The following STPG2 variants were observed in gnomAD, a reference collection of about 807,000 sequenced individuals.
The protein encoded by STPG2 is sperm-tail PG-rich repeat-containing protein 2.
STPG2 carries 56 observed loss-of-function variants against 54.2 expected under a neutral mutation model. The observed-to-expected ratio is 1.03, with a 90% CI of 0.83 to 1.29. The LOEUF (loss-of-function observed/expected upper bound fraction) is 1.29, where lower values mean the gene tolerates loss of function less well. Among genes scored for constraint, STPG2 ranks in the 50% most tolerant of loss-of-function variants. STPG2 has a pLI of 0.00. For synonymous variants in STPG2, 200 were observed against 181.8 expected, an observed-to-expected ratio of 1.10 and a Z score of -0.81; for missense variants, 596 against 544.9, an observed-to-expected ratio of 1.09 and a Z score of -0.93.
chr4:97,960,095 T>A (rs1989109), intron 7 of STPG2, among the ~76,000 whole-genome samples: 60,278 of 151,682 alleles, frequency 0.4, 12,099 homozygotes, highest in Middle Eastern at 0.46. Context: ...AAAAAGAAAA[T>A]TCACATGATC....
At chr4:97,767,097 T>C (rs114485984) in intron 9 of STPG2, among the ~76,000 whole-genome samples, 2,061 of 152,228 alleles carry the variant, frequency 0.014, 18 homozygotes, top group Non-Finnish European at 0.021. Context: ...TGGCATCAAA[T>C]TTAGAAGTCA....
Position 97,959,881 on chromosome 4 carries a change from A to C in STPG2, c.933+12399T>G, listed in dbSNP as rs183168484. Reference sequence around the variant, plus strand: ...TATCACCCTAATACCAAAACATGGAAAGGACATAACAAAAAAAGAAAACTA... The same window carrying C: ...TATCACCCTAATACCAAAACATGGACAGGACATAACAAAAAAAGAAAACTA... On this transcript the variant is annotated intron_variant, in intron 7 of 10. Coordinates refer to ENST00000295268, the MANE Select transcript of STPG2 (RefSeq NM_174952.3). Among the ~76,000 whole-genome samples the C allele has an allele frequency of 1.2e-3, 185 of 152,250 alleles. 6 individuals carry two copies. The East Asian group carries it at 0.021, about 17-fold the overall frequency.
intron 1 of STPG2, among the ~76,000 whole-genome samples, chr4:98,138,239 T>G (rs187804803): frequency 6.6e-6 from 1 of 152,208 alleles, no homozygotes; most frequent in East Asian, 1.9e-4. Context: ...GTATAAAATA[T>G]AGAAGAGTGT....
chr4:98,052,683 C>T (rs1429098629), intron 5 of STPG2, among the ~76,000 whole-genome samples: 2 of 152,010 alleles, frequency 1.3e-5, no homozygotes, highest in Non-Finnish European at 2.9e-5. Context: ...GGATAATTAA[C>T]AGAAGCAAAT....
rs567871971 is a variant in STPG2 at position 98,116,496 on chromosome 4, T to C, written c.388-7191A>G. Among the ~76,000 whole-genome samples the C allele has an allele frequency of 2.0e-5, 3 of 152,058 alleles. No individual in the cohort carries two copies. In the South Asian group the frequency reaches 6.2e-4, roughly 31 times the overall value. On this transcript the variant is annotated intron_variant, in intron 3 of 10. Transcript: ENST00000295268. ...AGTCAGGACACATAACCAGGAAGTC[T>C]GGCTCCATTACACTTCTTTGCATAA...
At chr4:97,950,148 ATTTC>A (rs1173121976) in intron 7 of STPG2, among the ~76,000 whole-genome samples, 3 of 150,376 alleles carry the variant, frequency 2.0e-5, no homozygotes, top group Admixed American at 6.6e-5. Flanking sequence ...AATTTTTTTA[ATTTC>A]TTTATGTTAA....
At chr4:97,630,724 T>G (rs1578437118) in intron 10 of STPG2, among the ~76,000 whole-genome samples, 1 of 151,848 alleles carries the variant, frequency 6.6e-6, no homozygotes, top group East Asian at 1.9e-4. Flanking sequence ...AAAAATATTA[T>G]AGATAAGACA....
intron 8 of STPG2, among the ~76,000 whole-genome samples, chr4:97,928,399 G>C (rs1732413923): frequency 6.6e-6 from 1 of 152,074 alleles, no homozygotes; most frequent in Non-Finnish European, 1.5e-5. Context: ...CAGAGAGTGG[G>C]TCAATACAGA....
chr4:97,897,830 A>G (rs1369029142), intron 8 of STPG2, among the ~76,000 whole-genome samples: 1 of 152,180 alleles, frequency 6.6e-6, no homozygotes, highest in Admixed American at 6.5e-5. Flanking sequence ...CATAGTTTAC[A>G]AAAATTTCCT....
At chr4:98,016,049 G>A (rs1174327396) in intron 5 of STPG2, among the ~76,000 whole-genome samples, 14 of 152,132 alleles carry the variant, frequency 9.2e-5, no homozygotes, top group Non-Finnish European at 4.4e-5. Flanking sequence ...ACACTCCAGG[G>A]CCTGTGTGGG....
chr4:97,628,729 A>G (rs549392516), intron 10 of STPG2, among the ~76,000 whole-genome samples: 3 of 152,196 alleles, frequency 2.0e-5, no homozygotes, highest in South Asian at 4.1e-4. Context: ...CATGACTGCA[A>G]AAATAAAACC....
intron 7 of STPG2, among the ~76,000 whole-genome samples, chr4:97,956,429 T>G (rs1733677570): frequency 6.6e-6 from 1 of 152,114 alleles, no homozygotes; most frequent in African/African-American, 2.4e-5. Context: ...GAGGCAGAAC[T>G]AGATGGCATC....
At chr4:98,042,974 T>C (rs1263002907) in intron 5 of STPG2, among the ~76,000 whole-genome samples, 1 of 152,046 alleles carries the variant, frequency 6.6e-6, no homozygotes, top group Non-Finnish European at 1.5e-5. Flanking sequence ...CAATTTATCA[T>C]TTCAGATCTG....
At chr4:98,038,287 A>G (rs1379668510) in intron 5 of STPG2, among the ~76,000 whole-genome samples, 1 of 152,138 alleles carries the variant, frequency 6.6e-6, no homozygotes, top group African/African-American at 2.4e-5. Flanking sequence ...TGAGGGCAGT[A>G]TAGGGGATCT....
At chr4:97,674,821 C>T (rs1722793426) in intron 10 of STPG2, among the ~76,000 whole-genome samples, 1 of 151,994 alleles carries the variant, frequency 6.6e-6, no homozygotes, top group Non-Finnish European at 1.5e-5. Flanking sequence ...GCATAAAATT[C>T]TCACCATATT....
intron 8 of STPG2, among the ~76,000 whole-genome samples, chr4:97,884,995 T>C (rs1730511052): frequency 6.6e-6 from 1 of 152,094 alleles, no homozygotes; most frequent in Non-Finnish European, 1.5e-5. Context: ...CAGACAAAGA[T>C]AGCCTTCTAG....
intron 8 of STPG2, among the ~76,000 whole-genome samples, chr4:97,882,330 C>G (rs1234212951): frequency 6.6e-6 from 1 of 152,126 alleles, no homozygotes; most frequent in Non-Finnish European, 1.5e-5. Flanking sequence ...GTGAAACAAG[C>G]ACAAACTCCA....
At chr4:97,512,053 T>C (rs1730984965) in intron 4 of STPG2, among the ~76,000 whole-genome samples, 1 of 152,030 alleles carries the variant, frequency 6.6e-6, no homozygotes, top group Non-Finnish European at 1.5e-5. Flanking sequence ...CTTGAAATTG[T>C]ATAAGGAAAA....
rs759950417 is a variant in STPG2, at chr4:97,951,491, T to G, written c.934-7484A>C. On this transcript the variant is annotated intron_variant, in intron 7 of 10. Coordinates refer to ENST00000295268, the MANE Select transcript of STPG2 (RefSeq NM_174952.3). ...TGAAATTATGTTTTATTTGACTGTG[T>G]TTTTTTTTATTTCTTTTTCCCCCCT... Among the ~76,000 whole-genome samples, 12 of 151,508 alleles carry G rather than the reference T, an allele frequency of 7.9e-5. 1 individual carries two copies. The highest frequency in any genetic ancestry group is 1.5e-4 in the Non-Finnish European group (10 of 67,828).
Sources: allele counts gnomAD v4.1 joint callset (sites outside exome capture counted in the v4.1 genomes callset), GRCh38; gene constraint gnomAD v4.1.1; transcripts MANE v1.5; gene names NCBI Gene and HGNC (gene_info 2026-07-23, HGNC 2026-07-21).